Variants in TSC22D1 observed in about 807,000 individuals in gnomAD.
TSC22D1 encodes the protein TSC22 domain family protein 1.
Under a neutral mutation model 74.2 loss-of-function variants are expected in TSC22D1, and 9 were observed. That is an observed-to-expected ratio of 0.12 (90% CI 0.07 to 0.21). The LOEUF (loss-of-function observed/expected upper bound fraction) is 0.21, where lower values mean the gene tolerates loss of function less well. Among genes scored for constraint, TSC22D1 ranks in the 10% least tolerant of loss-of-function variants. TSC22D1 has a pLI of 1.00. For synonymous variants in TSC22D1, 586 were observed against 492.5 expected (o/e 1.19, Z -2.51); for missense variants, 1,427 against 1,304.7 (o/e 1.09, Z -1.44).
chr13:44,489,399 C>T (rs1878599193), intron 1 of TSC22D1, among the ~76,000 whole-genome samples: 1 of 151,624 alleles, frequency 6.6e-6, no homozygotes. Flanking sequence ...TATTAAAAGA[C>T]ATCAATAAGA....
At position 44,574,483 on chromosome 13, in the gene TSC22D1, G is replaced by A. The variant is rs1175821795; in HGVS notation, c.1592C>T (p.Pro531Leu). The change falls in exon 1 of 3, where the codon CCA becomes CTA. Residue 531 changes from proline (P) to leucine (L), a missense_variant. By Grantham distance (98) the Pro-to-Leu change is moderately conservative. This residue lies in a region of TSC22D1 where 1,343 missense variants were observed against 1,191.5 expected (regional missense o/e 1.13). Transcript: ENST00000458659. ...DFGSTGPQSIPAVSIPQSISQ... is the reference protein window; with the variant it reads ...DFGSTGPQSILAVSIPQSISQ... Reference sequence around the variant, plus strand: ...AATACTCTGTGGTATACTAACTGCTGGAATACTCTGTGGACCAGTGCTACC... The same window carrying A: ...AATACTCTGTGGTATACTAACTGCTAGAATACTCTGTGGACCAGTGCTACC... 2 of 1,613,984 alleles carry A rather than the reference G, an allele frequency of 1.2e-6. No homozygotes were observed. The highest frequency in any genetic ancestry group is 1.7e-6 in the Non-Finnish European group (2 of 1,179,932).
At chr13:44,483,564 A>C (rs1878284868) in intron 1 of TSC22D1, among the ~76,000 whole-genome samples, 1 of 151,912 alleles carries the variant, frequency 6.6e-6, no homozygotes, top group Non-Finnish European at 1.5e-5. Flanking sequence ...TCCCAGCAAT[A>C]GGCTGAGGCA....
intron 1 of TSC22D1, among the ~76,000 whole-genome samples, chr13:44,529,735 A>G (rs566761156): frequency 1.3e-5 from 2 of 152,284 alleles, no homozygotes; most frequent in African/African-American, 4.8e-5. Context: ...GCAAGGTTGA[A>G]GAATATAAGG....
At chr13:44,491,841 A>G (rs1878742099) in intron 1 of TSC22D1, among the ~76,000 whole-genome samples, 1 of 152,240 alleles carries the variant, frequency 6.6e-6, no homozygotes, top group Non-Finnish European at 1.5e-5. Flanking sequence ...ATGGTAGGAA[A>G]GCAAAGTGGA....
In TSC22D1 at chr13:44,573,148, A is replaced by G. The variant is rs924962309; in HGVS notation, c.2912+15T>C. On this transcript the variant is annotated intron_variant, in intron 1 of 2. Transcript: ENST00000458659. Reference sequence around the variant, plus strand: ...AAATCTGTTGAATGTCTCCAGAAATATGACATGATCTTACCTCTCATCCTC... The same window carrying G: ...AAATCTGTTGAATGTCTCCAGAAATGTGACATGATCTTACCTCTCATCCTC... 11 of 1,609,200 alleles carry G rather than the reference A, an allele frequency of 6.8e-6. No homozygotes were observed. Among genetic ancestry groups the G allele is most frequent in the Non-Finnish European group, 9.3e-6 (11 of 1,177,354 alleles).
chr13:44,526,953 T>A (rs1880574318), intron 1 of TSC22D1, among the ~76,000 whole-genome samples: 1 of 152,154 alleles, frequency 6.6e-6, no homozygotes, highest in South Asian at 2.1e-4. Flanking sequence ...AGATGGTAGT[T>A]AAGAGAAACC....
At chr13:44,521,108 A>C (rs1880293387) in intron 1 of TSC22D1, among the ~76,000 whole-genome samples, 1 of 152,032 alleles carries the variant, frequency 6.6e-6, no homozygotes, top group African/African-American at 2.4e-5. Flanking sequence ...GCGCTAAAAG[A>C]CCTCTTATTG....
intron 1 of TSC22D1, chr13:44,538,022 A>T: frequency 1.0e-6 from 1 of 985,302 alleles, no homozygotes; most frequent in Non-Finnish European, 1.2e-6. Flanking sequence ...AGAAACAGAA[A>T]CATTTTGATA....
Position 44,433,515 on chromosome 13 carries a change from A to C in TSC22D1, c.*1111T>G, listed in dbSNP as rs1226584006. 2.0e-5 allele frequency: 3 copies of C among 152,980 alleles called. No homozygotes were observed. Among genetic ancestry groups the C allele is most frequent in the Non-Finnish European group, 2.9e-5 (2 of 68,608 alleles). The allele number at this position is 152,980 out of a possible 1,614,324, so 9.5% of individuals were successfully genotyped here. ...TTATGTTAACAGGGTCATATGAAAA[A>C]CACTTGTTTATCAACATTTATATGC... On this transcript the variant is annotated 3_prime_UTR_variant, in exon 3 of 3. Transcript: ENST00000458659.
At chr13:44,472,077 T>C (rs1877636557) in intron 1 of TSC22D1, among the ~76,000 whole-genome samples, 1 of 152,216 alleles carries the variant, frequency 6.6e-6, no homozygotes, top group South Asian at 2.1e-4. Flanking sequence ...TGCTGGCATA[T>C]TGTTATAATT....
At chr13:44,559,899 C>T (rs1428244121) in intron 1 of TSC22D1, among the ~76,000 whole-genome samples, 3 of 151,580 alleles carry the variant, frequency 2.0e-5, no homozygotes, top group African/African-American at 7.3e-5. Context: ...ACCATGTTGG[C>T]CAGGCTGGTC....
chr13:44,482,134 G>A (rs1367932371), intron 1 of TSC22D1, among the ~76,000 whole-genome samples: 2 of 152,166 alleles, frequency 1.3e-5, no homozygotes, highest in Non-Finnish European at 2.9e-5. Context: ...TGTTATAAAA[G>A]AATTGACATC....
chr13:44,571,904 A>G (rs923987212), intron 1 of TSC22D1, among the ~76,000 whole-genome samples: 5 of 152,184 alleles, frequency 3.3e-5, no homozygotes, highest in South Asian at 2.1e-4. Flanking sequence ...AAACAACTAA[A>G]TAACACAAAC....
Position 44,487,498 on chromosome 13 carries a change from C to CAAAAAAAAAAAAAAAAA in TSC22D1, c.2913-51420_2913-51404dup, listed in dbSNP as rs61034237. On this transcript the variant is annotated intron_variant, in intron 1 of 2. Transcript: ENST00000458659. Reference sequence around the variant, plus strand: ...TGGGCAACAGAGCAAGACTCCATCTCAAAAAAAAAAAAAAAAAAAAAAAAA... The same window carrying CAAAAAAAAAAAAAAAAA: ...TGGGCAACAGAGCAAGACTCCATCTCAAAAAAAAAAAAAAAAAAAAAAAAAAAAAAAAAAAAAAAAAA... Among the ~76,000 whole-genome samples, 8 of 23,456 alleles carry CAAAAAAAAAAAAAAAAA rather than the reference C, an allele frequency of 3.4e-4. 1 individual carries two copies. The highest frequency in any genetic ancestry group is 3.2e-4 in the Non-Finnish European group (5 of 15,398). 15.4% of individuals were successfully genotyped at this position (23,456 alleles called of 152,430 possible). A position where few individuals can be genotyped will look rare whatever the true frequency, so the allele number is the denominator to read the frequency against.
At chr13:44,556,224 TAA>T (rs757322742) in intron 1 of TSC22D1, among the ~76,000 whole-genome samples, 2 of 143,126 alleles carry the variant, frequency 1.4e-5, no homozygotes, top group Non-Finnish European at 1.5e-5. Context: ...GTTCTACTGT[TAA>T]AAAAAAAAAA....
At chr13:44,482,482 T>TG (rs1566133556) in intron 1 of TSC22D1, among the ~76,000 whole-genome samples, 1 of 152,136 alleles carries the variant, frequency 6.6e-6, no homozygotes, top group African/African-American at 2.4e-5. Flanking sequence ...GGGGCTGCAG[T>TG]GAGCCGAGAT....
chr13:44,441,877 T>A (rs1349947942), intron 1 of TSC22D1, among the ~76,000 whole-genome samples: 2 of 152,120 alleles, frequency 1.3e-5, no homozygotes, highest in Non-Finnish European at 2.9e-5. Flanking sequence ...CACACCTGCA[T>A]GTGAGGAAAC....
intron 1 of TSC22D1, 60 bp from the exon 2 acceptor site, chr13:44,436,155 T>A: frequency 3.2e-6 from 5 of 1,556,974 alleles, no homozygotes; most frequent in Non-Finnish European, 4.4e-6. Context: ...GCTTCCAAGA[T>A]AAAAAGGATC....
chr13:44,501,695 T>C (rs2137984420), intron 1 of TSC22D1, among the ~76,000 whole-genome samples: 1 of 152,236 alleles, frequency 6.6e-6, no homozygotes, highest in Non-Finnish European at 1.5e-5. Flanking sequence ...GAGTCTACTG[T>C]AATAAACACA....
Sources: allele counts gnomAD v4.1 joint callset (sites outside exome capture counted in the v4.1 genomes callset), GRCh38; gene constraint gnomAD v4.1.1; regional missense constraint gnomAD v4.1.1; transcripts MANE v1.5; gene names NCBI Gene and HGNC (gene_info 2026-07-23, HGNC 2026-07-21).